The following NRP2 variants were observed in gnomAD, a reference collection of about 807,000 sequenced individuals.
NRP2 encodes neuropilin 2.
NRP2 carries 52 observed loss-of-function variants against 110.4 expected under a neutral mutation model. The ratio of observed to expected loss-of-function variants is 0.47; its 90% CI spans 0.38 to 0.59. NRP2 has a LOEUF of 0.59. Among genes scored for constraint, NRP2 ranks in the 20% least tolerant of loss-of-function variants. The pLI is 0.00. For synonymous variants in NRP2, 508 were observed against 468.9 expected, an observed-to-expected ratio of 1.08 and a Z score of -1.08; for missense variants, 1,049 against 1,203.0, an observed-to-expected ratio of 0.87 and a Z score of 1.89.
intron 7 of NRP2, among the ~76,000 whole-genome samples, chr2:205,729,319 G>A (rs79534061): frequency 0.016 from 2,419 of 152,304 alleles, 63 homozygotes; most frequent in African/African-American, 0.055. Flanking sequence ...CGATTTCCAC[G>A]ATAAGGAAAG....
chr2:205,736,824 T>C (rs2057351897), intron 7 of NRP2, among the ~76,000 whole-genome samples: 1 of 152,192 alleles, frequency 6.6e-6, no homozygotes, highest in African/African-American at 2.4e-5. Context: ...TTGCAATGCC[T>C]AGACTGGAAG....
intron 2 of NRP2, among the ~76,000 whole-genome samples, chr2:205,708,947 C>T (rs550518138): frequency 6.6e-6 from 1 of 152,288 alleles, no homozygotes; most frequent in South Asian, 2.1e-4. Context: ...TGTTTGAGCC[C>T]TTGGCGTTAA....
At chr2:205,766,875 G>A (rs1433324060) in intron 15 of NRP2, 72 bp downstream of exon 15, 2 of 1,380,112 alleles carry the variant, frequency 1.4e-6, no homozygotes, top group African/African-American at 2.9e-5. Flanking sequence ...ATGTGAATTT[G>A]ATGGGGGGAA....
intron 12 of NRP2, chr2:205,756,506 T>C (rs1376985887): frequency 6.6e-6 from 1 of 152,226 alleles, no homozygotes; most frequent in Non-Finnish European, 1.5e-5. Flanking sequence ...TTTATTTTAA[T>C]TAATTAAAAT....
intron 12 of NRP2, among the ~76,000 whole-genome samples, chr2:205,757,852 A>G (rs10180293): frequency 0.22 from 32,729 of 151,984 alleles, 4,590 homozygotes; most frequent in African/African-American, 0.4. Context: ...AAAACATCCC[A>G]GGCTTTGCAG....
intron 1 of NRP2, among the ~76,000 whole-genome samples, chr2:205,684,173 G>A (rs1002768234): frequency 6.6e-6 from 1 of 152,166 alleles, no homozygotes; most frequent in Non-Finnish European, 1.5e-5. Context: ...GCATTTCGAG[G>A]CCCAGAACAG....
At chr2:205,707,398 G>A (rs1367960294) in intron 2 of NRP2, among the ~76,000 whole-genome samples, 1 of 152,172 alleles carries the variant, frequency 6.6e-6, no homozygotes, top group African/African-American at 2.4e-5. Flanking sequence ...TCCACACCAT[G>A]GTGTTTTTTG....
At chr2:205,721,437 G>C (rs999018751) in intron 3 of NRP2, among the ~76,000 whole-genome samples, 3 of 152,150 alleles carry the variant, frequency 2.0e-5, no homozygotes, top group Non-Finnish European at 4.4e-5. Flanking sequence ...GCATGAGCTC[G>C]TGCTTCGTGG....
At chr2:205,747,860 A>G (rs1476484941) in intron 10 of NRP2, among the ~76,000 whole-genome samples, 1 of 152,080 alleles carries the variant, frequency 6.6e-6, no homozygotes, top group Non-Finnish European at 1.5e-5. Context: ...TACACTGGTG[A>G]TGGTCAGTGA....
Position 205,753,036 on chromosome 2 carries a change from A to G in NRP2, c.2044+61A>G, listed in dbSNP as rs1421007004. On this transcript the variant is annotated intron_variant, in intron 12 of 16. Transcript: ENST00000357785. Reference sequence around the variant, plus strand: ...AGGCCAGCTTGTTCCACATACTTCAACCCCAGATTCCCTTACAAGCTTCAT... The same window carrying G: ...AGGCCAGCTTGTTCCACATACTTCAGCCCCAGATTCCCTTACAAGCTTCAT... 2.5e-6 allele frequency: 4 copies of G among 1,601,188 alleles called. No individual in the cohort carries two copies. In the African/African-American group the frequency reaches 4.0e-5, roughly 16 times the overall value.
At chr2:205,750,529 G>A (rs1030207202) in intron 11 of NRP2, among the ~76,000 whole-genome samples, 5 of 152,108 alleles carry the variant, frequency 3.3e-5, no homozygotes, top group South Asian at 2.1e-4. Context: ...ATTTATCTTC[G>A]GAGTATATCC....
chr2:205,769,694 C>T (rs1187772583), intron 15 of NRP2, among the ~76,000 whole-genome samples: 2 of 152,118 alleles, frequency 1.3e-5, no homozygotes, highest in African/African-American at 4.8e-5. Context: ...TGTTATGAGT[C>T]ACATTTTAAA....
chr2:205,786,775 G>A (rs1192766596), intron 15 of NRP2, among the ~76,000 whole-genome samples: 1 of 152,184 alleles, frequency 6.6e-6, no homozygotes, highest in African/African-American at 2.4e-5. Flanking sequence ...TACCCACTTT[G>A]TCAGTTCCTC....
At position 205,726,092 on chromosome 2, in the gene NRP2, C is replaced by T. The variant is rs2057123015; in HGVS notation, c.990+10C>T. 2 of 1,613,878 alleles carry T rather than the reference C, an allele frequency of 1.2e-6. No individual in the cohort carries two copies. Among genetic ancestry groups the T allele is most frequent in the East Asian group, 4.5e-5 (2 of 44,872 alleles). On this transcript the variant is annotated intron_variant, in intron 6 of 16. Transcript: ENST00000357785. ...CAAGGAGTATCTCCAGGTACTTGTGCAGATACCAGAGGATGTGAGAGTGTG... is the reference window on the plus strand; with the variant it reads ...CAAGGAGTATCTCCAGGTACTTGTGTAGATACCAGAGGATGTGAGAGTGTG...
chr2:205,797,675 G>C lies in NRP2; in HGVS notation c.*2617G>C, dbSNP rs147386387. ...TTTGACTTGGCCAGGGGACACCTTG[G>C]TGTGTTTGTTATCTTTATCTGTGGG... On this transcript the variant is annotated 3_prime_UTR_variant, in exon 17 of 17. Transcript: ENST00000357785. 0.011 allele frequency: 1,691 copies of C among 152,756 alleles called. 41 individuals carry two copies. Among genetic ancestry groups the C allele is most frequent in the Non-Finnish European group, 0.011 (740 of 68,050 alleles). 9.5% of individuals were successfully genotyped at this position (152,756 alleles called of 1,614,324 possible).
intron 1 of NRP2, among the ~76,000 whole-genome samples, chr2:205,689,728 C>T (rs2056263065): frequency 6.6e-6 from 1 of 152,070 alleles, no homozygotes; most frequent in South Asian, 2.1e-4. Flanking sequence ...TCTTTTTAAT[C>T]TCTCATTTCC....
intron 15 of NRP2, among the ~76,000 whole-genome samples, chr2:205,782,351 C>T (rs773780397): frequency 2.6e-5 from 4 of 152,208 alleles, no homozygotes; most frequent in East Asian, 1.9e-4. Context: ...CCTCTTTTCT[C>T]GGAGTTTCAT....
intron 13 of NRP2, among the ~76,000 whole-genome samples, chr2:205,764,718 G>A (rs556185320): frequency 1.3e-5 from 2 of 152,308 alleles, no homozygotes; most frequent in East Asian, 1.9e-4. Context: ...CCACAGAGCC[G>A]AGGGGCTTCT....
intron 7 of NRP2, among the ~76,000 whole-genome samples, chr2:205,737,243 G>A (rs566767896): frequency 1.8e-4 from 28 of 152,354 alleles, no homozygotes; most frequent in Admixed American, 4.6e-4. Context: ...CACAGCCACC[G>A]TCTGCAAAAG....
Sources: gnomAD v4.1 joint callset for allele counts (sites outside exome capture counted in the v4.1 genomes callset) on GRCh38, gnomAD v4.1.1 for gene constraint, MANE v1.5 for transcripts, NCBI Gene and HGNC (gene_info 2026-07-23, HGNC 2026-07-21) for gene names.